Variants in ACTN2 observed in about 807,000 individuals in gnomAD.
The protein encoded by ACTN2 is actinin alpha 2.
A neutral mutation model predicts 113.8 loss-of-function variants in ACTN2; 39 were observed. That is an observed-to-expected ratio of 0.34 (90% confidence interval 0.27 to 0.45). The LOEUF is 0.45. Ranked by LOEUF, ACTN2 falls within the 20% of genes least tolerant of loss-of-function variation. ACTN2 has a pLI of 1.00. For synonymous variants in ACTN2, 429 were observed against 444.1 expected, an observed-to-expected ratio of 0.97 and a Z score of 0.43; for missense variants, 992 against 1,177.9, an observed-to-expected ratio of 0.84 and a Z score of 2.31.
At chr1:236,725,401 G>A (rs1160587348) in intron 4 of ACTN2, among the ~76,000 whole-genome samples, 1 of 152,184 alleles carries the variant, frequency 6.6e-6, no homozygotes, top group Non-Finnish European at 1.5e-5. Flanking sequence ...GCTGAGGCAG[G>A]TGGATCACCT....
intron 1 of ACTN2, among the ~76,000 whole-genome samples, chr1:236,690,680 G>A (rs1478466962): frequency 6.6e-6 from 1 of 152,116 alleles, no homozygotes; most frequent in African/African-American, 2.4e-5. Flanking sequence ...TCAGCACTGC[G>A]CTTAGACTTG....
chr1:236,687,004 C>T (rs550915257), intron 1 of ACTN2, among the ~76,000 whole-genome samples: 26 of 151,740 alleles, frequency 1.7e-4, no homozygotes, highest in Admixed American at 4.6e-4. Flanking sequence ...CGTGTGTGTG[C>T]GCGCGCGCTA....
intron 1 of ACTN2, among the ~76,000 whole-genome samples, chr1:236,713,113 C>A (rs1572107707): frequency 6.6e-6 from 1 of 151,742 alleles, no homozygotes. Flanking sequence ...TCATAGGGAG[C>A]TAGTTACATA....
chr1:236,701,368 GA>G (rs138834182), intron 1 of ACTN2, among the ~76,000 whole-genome samples: 2,229 of 152,006 alleles, frequency 0.015, 57 homozygotes, highest in African/African-American at 0.05. Flanking sequence ...TTAATACTTT[GA>G]GATATATGTA....
In ACTN2 at chr1:236,754,236, C is replaced by G. The variant is rs1659486693; in HGVS notation, c.1974+155C>G. On this transcript the variant is annotated intron_variant, in intron 16 of 20. Transcript: ENST00000366578. The surrounding 1 kb of genome is among the most constrained non-coding windows in gnomAD (Gnocchi z 4.9). Reference sequence around the variant, plus strand: ...TCACCCCGGCTTTATCTTTCAGCCCCTGGCTGTTGGGGACAGTGTGCAAAC... The same window carrying G: ...TCACCCCGGCTTTATCTTTCAGCCCGTGGCTGTTGGGGACAGTGTGCAAAC... 6.6e-6 allele frequency among the ~76,000 whole-genome samples: 1 copy of G among 152,226 alleles called. No individual in the cohort carries two copies. The highest frequency in any genetic ancestry group is 1.5e-5 in the Non-Finnish European group (1 of 68,040).
intron 1 of ACTN2, among the ~76,000 whole-genome samples, chr1:236,709,930 A>T (rs2102881668): frequency 6.6e-6 from 1 of 152,388 alleles, no homozygotes; most frequent in East Asian, 1.9e-4. Flanking sequence ...AAGAAGTATA[A>T]AGGAAATGTA....
chr1:236,718,008 G>C, intron 2 of ACTN2, 36 bp downstream of exon 2: 1 of 1,488,576 alleles, frequency 6.7e-7, no homozygotes, highest in Non-Finnish European at 9.3e-7. Context: ...GCTTTCATGT[G>C]TTATCAGTAG....
Position 236,735,724 on chromosome 1 carries a change from C to T in ACTN2, c.783+4C>T, listed in dbSNP as rs762715867. 9.3e-6 allele frequency: 15 copies of T among 1,613,518 alleles called. No homozygotes were observed. The Admixed American group carries it at 2.3e-4, about 25-fold the overall frequency. ...CGCTTTTGCGGGCGCGGAGCAGGTACTCAACACTTGTCCGTCCGGGCTGTT... is the reference window on the plus strand; with the variant it reads ...CGCTTTTGCGGGCGCGGAGCAGGTATTCAACACTTGTCCGTCCGGGCTGTT... On this transcript the variant is annotated splice_donor_region_variant and intron_variant, in intron 8 of 20. Transcript: ENST00000366578.
Position 236,761,432 on chromosome 1 carries a change from C to CGT in ACTN2, c.2526+284_2526+285dup, listed in dbSNP as rs3831321. Reference sequence around the variant, plus strand: ...AGGGACAAGAGTGTATTTGTACTTGCGTGTGTGTGTGTGTGTGTGTGTGTG... The same window carrying CGT: ...AGGGACAAGAGTGTATTTGTACTTGCGTGTGTGTGTGTGTGTGTGTGTGTGTG... On this transcript the variant is annotated intron_variant, in intron 20 of 20. Coordinates refer to ENST00000366578, the MANE Select transcript of ACTN2 (RefSeq NM_001103.4). 0.091 allele frequency among the ~76,000 whole-genome samples: 13,699 copies of CGT among 150,394 alleles called. 802 individuals are homozygous for CGT. Among genetic ancestry groups the CGT allele is most frequent in the Middle Eastern group, 0.17 (49 of 290 alleles).
intron 4 of ACTN2, among the ~76,000 whole-genome samples, 162 bp downstream of exon 4, chr1:236,720,353 C>T (rs146741071): frequency 1.4e-3 from 215 of 152,278 alleles, no homozygotes; most frequent in African/African-American, 4.9e-3. Context: ...GAAAAGACCT[C>T]GGCAGCACTG....
chr1:236,699,418 T>G (rs964237071), intron 1 of ACTN2, among the ~76,000 whole-genome samples: 31 of 152,046 alleles, frequency 2.0e-4, no homozygotes, highest in African/African-American at 7.2e-4. Flanking sequence ...AATACCAAAG[T>G]GGGAGGGAAG....
intron 12 of ACTN2, among the ~76,000 whole-genome samples, chr1:236,746,496 C>T (rs1235559229): frequency 2.6e-5 from 4 of 151,908 alleles, no homozygotes; most frequent in Non-Finnish European, 5.9e-5. Context: ...CTGCTTGAGA[C>T]CAGGAGTTCG....
chr1:236,709,220 G>GTGTGTGTGTGTATATA (rs1275373436), intron 1 of ACTN2, among the ~76,000 whole-genome samples: 6 of 66,850 alleles, frequency 9.0e-5, no homozygotes, highest in Non-Finnish European at 1.6e-4. Flanking sequence ...ACAAATGACT[G>GTGTGTGTGTGTATATA]TATATATATA....
intron 2 of ACTN2, 104 bp from the exon 3 acceptor site, chr1:236,718,790 C>A (rs1658296045): frequency 2.6e-6 from 4 of 1,519,172 alleles, no homozygotes; most frequent in Non-Finnish European, 3.6e-6. Context: ...AGTCATGTAA[C>A]CTTCTCTTTT....
At chr1:236,728,509 A>C (rs1413538752) in intron 6 of ACTN2, among the ~76,000 whole-genome samples, 2 of 152,188 alleles carry the variant, frequency 1.3e-5, no homozygotes, top group Non-Finnish European at 2.9e-5. Flanking sequence ...AGACATATTT[A>C]TTCAGAATTG....
rs767763639 is a variant in ACTN2, at chr1:236,742,944, G to A, written c.1156G>A (p.Glu386Lys). Residue 386 changes from glutamate to lysine, a missense_variant, in exon 11 of 21, where the codon GAG becomes AAG. Around this residue, in one of 3 missense-constraint regions of ACTN2, gnomAD observed 736 missense variants for 815.4 expected, o/e 0.90. Coordinates refer to ENST00000366578, the MANE Select transcript of ACTN2 (RefSeq NM_001103.4). ...GCTGGAGCAGGCTGAGAAGGGTTACGAGGAGTGGTTGCTCAATGAGATTCG... is the reference window on the plus strand; with the variant it reads ...GCTGGAGCAGGCTGAGAAGGGTTACAAGGAGTGGTTGCTCAATGAGATTCG... ...QRLEQAEKGY[E>K]EWLLNEIRRL... 16 of 1,614,052 alleles carry A rather than the reference G, an allele frequency of 9.9e-6. No homozygotes were observed. Among genetic ancestry groups the A allele is most frequent in the Middle Eastern group, 1.6e-4 (1 of 6,084 alleles).
At chr1:236,721,380 C>G (rs550586305) in intron 4 of ACTN2, among the ~76,000 whole-genome samples, 18 of 152,238 alleles carry the variant, frequency 1.2e-4, no homozygotes, top group East Asian at 7.7e-4. Flanking sequence ...ACTTTGCCTA[C>G]TTGTACCAGC....
intron 20 of ACTN2, among the ~76,000 whole-genome samples, chr1:236,761,388 T>C (rs1195299025): frequency 6.6e-6 from 1 of 152,112 alleles, no homozygotes; most frequent in Non-Finnish European, 1.5e-5. Context: ...TGCTTGGCCT[T>C]GCATTGAGTT....
At chr1:236,695,414 GAAA>G (rs58669150) in intron 1 of ACTN2, among the ~76,000 whole-genome samples, 1 of 102,958 alleles carries the variant, frequency 9.7e-6, no homozygotes, top group African/African-American at 3.5e-5. Context: ...TGCTGTGTCT[GAAA>G]AAAAAAAAAA....
Sources: allele counts gnomAD v4.1 joint callset (sites outside exome capture counted in the v4.1 genomes callset), GRCh38; gene constraint gnomAD v4.1.1; regional missense constraint gnomAD v4.1.1; non-coding constraint Gnocchi (gnomAD v3.1); transcripts MANE v1.5; gene names NCBI Gene and HGNC (gene_info 2026-07-23, HGNC 2026-07-21).